The following EYS variants were observed in gnomAD, a reference collection of about 807,000 sequenced individuals.
The protein encoded by EYS is EGF-like photoreceptor maintenance factor, also known as protein eyes shut homolog.
EYS carries 250 observed loss-of-function variants against 282.1 expected under a neutral mutation model. That is an observed-to-expected ratio of 0.89 (90% CI 0.80 to 0.98). The LOEUF is 0.98. Among genes scored for constraint, EYS ranks in the 50% least tolerant of loss-of-function variants. The pLI, the probability that EYS is intolerant of heterozygous loss-of-function variation, is 0.00. For synonymous variants in EYS, 1,355 were observed against 1,282.9 expected, an observed-to-expected ratio of 1.06 and a Z score of -1.20; for missense variants, 4,016 against 3,709.0, an observed-to-expected ratio of 1.08 and a Z score of -2.15.
At chr6:64,697,477 A>G (rs539419747) in intron 22 of EYS, among the ~76,000 whole-genome samples, 1 of 152,150 alleles carries the variant, frequency 6.6e-6, no homozygotes, top group Admixed American at 6.6e-5. Context: ...TGGACATGTC[A>G]TTGAGATAGA....
At position 65,639,869 on chromosome 6, in the gene EYS, G is replaced by T. The variant is rs1287269096; in HGVS notation, c.-424C>A. 3 of 152,106 alleles carry T rather than the reference G, an allele frequency of 2.0e-5. No homozygotes were observed. The highest frequency in any genetic ancestry group is 4.8e-5 in the African/African-American group (2 of 41,446). 9.4% of individuals were successfully genotyped at this position (152,106 alleles called of 1,614,324 possible). A position where few individuals can be genotyped will look rare whatever the true frequency, so the allele number is the denominator to read the frequency against. On this transcript the variant is annotated 5_prime_UTR_variant, in exon 2 of 43. The change creates a premature stop within an existing upstream ORF in the 5' untranslated region. Transcript: ENST00000503581. The stretch of plus-strand genomic sequence containing the variant: ...AGGATCCAGACTTGACTCCCCAGGT[G>T]TAAGAGAAGAGTGAGGCACAAAGCT...
chr6:63,962,445 C>T (rs1198994814), intron 35 of EYS, among the ~76,000 whole-genome samples: 1 of 152,090 alleles, frequency 6.6e-6, no homozygotes, highest in African/African-American at 2.4e-5. Flanking sequence ...AAAAAGTGGG[C>T]AAAGGATATG....
chr6:64,435,949 T>G (rs1774726527), intron 28 of EYS, among the ~76,000 whole-genome samples: 1 of 151,968 alleles, frequency 6.6e-6, no homozygotes, highest in South Asian at 2.1e-4. Flanking sequence ...ATGGATCTTT[T>G]GTAAATCTCC....
At chr6:64,876,792 G>A (rs1184578736) in intron 19 of EYS, among the ~76,000 whole-genome samples, 8 of 152,114 alleles carry the variant, frequency 5.3e-5, no homozygotes, top group East Asian at 1.9e-4. Context: ...AGATAGAATA[G>A]CAGAGGCCAA....
intron 26 of EYS, among the ~76,000 whole-genome samples, chr6:64,473,257 T>C (rs550150575): frequency 7.9e-5 from 12 of 152,316 alleles, no homozygotes; most frequent in African/African-American, 2.9e-4. Flanking sequence ...GTAACAATCA[T>C]GCGGTGTTCT....
At chr6:64,765,540 C>A (rs976431074) in intron 22 of EYS, among the ~76,000 whole-genome samples, 2 of 152,150 alleles carry the variant, frequency 1.3e-5, no homozygotes, top group South Asian at 2.1e-4. Flanking sequence ...TTTCACACTA[C>A]AGTAAAGAAC....
chr6:65,492,805 T>G (rs1229815560), intron 4 of EYS, among the ~76,000 whole-genome samples: 1 of 152,240 alleles, frequency 6.6e-6, no homozygotes, highest in Non-Finnish European at 1.5e-5. Context: ...TTAACTTCTA[T>G]AATAATCTTG....
At chr6:64,942,578 C>G (rs1172901516) in intron 15 of EYS, among the ~76,000 whole-genome samples, 1 of 149,812 alleles carries the variant, frequency 6.7e-6, no homozygotes, top group Non-Finnish European at 1.5e-5. Flanking sequence ...TCTGAGAGAC[C>G]CTTATGAACA....
At chr6:63,990,640 T>C (rs375198571) in intron 34 of EYS, among the ~76,000 whole-genome samples, 3 of 151,688 alleles carry the variant, frequency 2.0e-5, no homozygotes, top group East Asian at 3.9e-4. Context: ...TGGCTTGGCA[T>C]GGGATCAGAG....
At chr6:65,564,408 A>G (rs1253698062) in intron 2 of EYS, among the ~76,000 whole-genome samples, 1 of 152,152 alleles carries the variant, frequency 6.6e-6, no homozygotes, top group Non-Finnish European at 1.5e-5. Context: ...ATAGCATGGT[A>G]CCGGTACCAA....
intron 31 of EYS, among the ~76,000 whole-genome samples, chr6:64,145,823 T>A (rs1326798457): frequency 2.6e-5 from 4 of 152,274 alleles, no homozygotes; most frequent in African/African-American, 9.6e-5. Context: ...AGTCTTGCTG[T>A]CATCCAATAA....
intron 11 of EYS, among the ~76,000 whole-genome samples, chr6:65,301,860 T>G (rs1416791690): frequency 6.6e-6 from 1 of 152,208 alleles, no homozygotes; most frequent in African/African-American, 2.4e-5. Context: ...TTCTGGACCT[T>G]GAGAAGGAGG....
rs546567906 is a variant in EYS, at chr6:65,670,615, T to G, written c.-447-30723A>C. 7.9e-5 allele frequency among the ~76,000 whole-genome samples: 12 copies of G among 152,154 alleles called. No individual in the cohort carries two copies. In the South Asian group the frequency reaches 2.1e-3, roughly 26 times the overall value. On this transcript the variant is annotated intron_variant, in intron 1 of 42. Transcript: ENST00000503581. ...ATTACATGCCAGATACTGAGAAATT[T>G]GAACAATTGATAATGAATGCTAACT...
chr6:64,913,907 A>G (rs973559500), intron 15 of EYS, among the ~76,000 whole-genome samples: 1 of 152,132 alleles, frequency 6.6e-6, no homozygotes, highest in Non-Finnish European at 1.5e-5. Context: ...AAAGCAAACA[A>G]ATAAAAAATA....
chr6:65,336,011 T>G (rs1769974991), intron 10 of EYS, among the ~76,000 whole-genome samples: 1 of 151,702 alleles, frequency 6.6e-6, no homozygotes. Flanking sequence ...CCTCTCCCTT[T>G]ACTCTCTCTC....
Position 64,215,818 on chromosome 6 carries a change from ATG to A in EYS, c.6424+14772_6424+14773del, listed in dbSNP as rs1353704648. 2.6e-5 allele frequency among the ~76,000 whole-genome samples: 4 copies of A among 152,294 alleles called. No homozygotes were observed. In the South Asian group the frequency reaches 8.3e-4, roughly 32 times the overall value. ...AGTTAATATACTGTGAAAAGTGAAGATGTTAAATACAATAGAGAAAGGCATAG... is the reference window on the plus strand; with the variant it reads ...AGTTAATATACTGTGAAAAGTGAAGATTAAATACAATAGAGAAAGGCATAG... On this transcript the variant is annotated intron_variant, in intron 31 of 42. Transcript: ENST00000503581.
At chr6:64,615,937 T>A (rs370959934) in intron 24 of EYS, among the ~76,000 whole-genome samples, 40 of 152,186 alleles carry the variant, frequency 2.6e-4, no homozygotes, top group African/African-American at 8.9e-4. Context: ...ATTTCTAACA[T>A]ATACTAATGT....
At chr6:65,100,369 A>G (rs377743569) in intron 12 of EYS, among the ~76,000 whole-genome samples, 8 of 150,900 alleles carry the variant, frequency 5.3e-5, no homozygotes, top group African/African-American at 1.9e-4. Context: ...TTTTTTAATG[A>G]AGAACAAAAA....
At chr6:64,925,838 C>T (rs535141429) in intron 15 of EYS, among the ~76,000 whole-genome samples, 104 of 152,184 alleles carry the variant, frequency 6.8e-4, no homozygotes, top group Non-Finnish European at 1.2e-3. Flanking sequence ...CTGGGCCAAG[C>T]GAGCCTGCAT....
Sources: gnomAD v4.1 joint callset for allele counts (sites outside exome capture counted in the v4.1 genomes callset) on GRCh38, gnomAD v4.1.1 for gene constraint, MANE v1.5 for transcripts, NCBI Gene and HGNC (gene_info 2026-07-23, HGNC 2026-07-21) for gene names.